The following ZNF429 variants were observed in gnomAD, a reference collection of about 807,000 sequenced individuals.
ZNF429 encodes zinc finger protein 429.
A neutral mutation model predicts 56.8 loss-of-function variants in ZNF429; 53 were observed. The observed-to-expected ratio is 0.93, with a 90% CI of 0.75 to 1.17. The LOEUF (loss-of-function observed/expected upper bound fraction) is 1.17, where lower values mean the gene tolerates loss of function less well. Ranked by LOEUF, ZNF429 falls within the 50% of genes most tolerant of loss-of-function variation. ZNF429 has a pLI of 0.00. For missense variants in ZNF429, 849 were observed against 788.4 expected, an observed-to-expected ratio of 1.08 and a Z score of -0.92; for synonymous variants, 278 against 264.7, an observed-to-expected ratio of 1.05 and a Z score of -0.49.
Position 21,537,228 on chromosome 19 carries a change from C to CT in ZNF429, c.1176dup (p.Gly393TrpfsTer8). On this transcript the variant is annotated frameshift_variant, in exon 4 of 4. Transcript: ENST00000358491. LOFTEE classifies it high-confidence loss of function. ...CTTACTCGACATAAAAAAATTCATA[C>CT]TGGAGAGGAACCCTACAAATTTGAA... is the stretch of plus-strand genomic sequence containing the variant. The CT allele has an allele frequency of 6.2e-7, 1 of 1,613,520 alleles. No homozygotes were observed. The highest frequency in any genetic ancestry group is 8.5e-7 in the Non-Finnish European group (1 of 1,179,860).
intron 1 of ZNF429, chr19:21,506,061 A>T (rs1460426106): frequency 4.2e-6 from 1 of 239,152 alleles, no homozygotes. Flanking sequence ...ATTGTGCAAG[A>T]ACCATGGGAG....
chr19:21,523,956 A>C (rs563294469), intron 1 of ZNF429, among the ~76,000 whole-genome samples: 1 of 152,324 alleles, frequency 6.6e-6, no homozygotes, highest in African/African-American at 2.4e-5. Context: ...CTTGGGATTT[A>C]CAAGACAAGG....
rs758342944 is a variant in ZNF429, at chr19:21,529,738, A to G, written c.84A>G (p.Leu28=). The change falls in exon 2 of 4, where the codon TTA becomes TTG. Residue 28 remains leucine, a synonymous_variant. Coordinates refer to ENST00000358491, the MANE Select transcript of ZNF429 (RefSeq NM_001001415.4). ...WQCLDTAQQN[L]YRNVMLENYR... is the part of the protein sequence containing the mutation. ...GCCTGGACACAGCACAACAGAACTT[A>G]TATAGAAATGTGATGTTAGAGAACT... 1.2e-6 allele frequency: 2 copies of G among 1,600,012 alleles called. No homozygotes were observed. The highest frequency in any genetic ancestry group is 1.7e-6 in the Non-Finnish European group (2 of 1,173,088).
intron 1 of ZNF429, among the ~76,000 whole-genome samples, chr19:21,509,191 G>T (rs550178833): frequency 1.3e-5 from 2 of 152,192 alleles, no homozygotes; most frequent in East Asian, 3.9e-4. Context: ...TATTTTAGTA[G>T]AGACAGGGTT....
Position 21,537,512 on chromosome 19 carries a change from G to A in ZNF429, c.1459G>A (p.Gly487Ser), listed in dbSNP as rs765738759. 77 of 1,613,624 alleles carry A rather than the reference G, an allele frequency of 4.8e-5. No individual in the cohort carries two copies. The highest frequency in any genetic ancestry group is 8.5e-7 in the Non-Finnish European group (1 of 1,179,994). Residue 487 changes from glycine to serine, a missense_variant, in exon 4 of 4, where the codon GGC becomes AGC. By Grantham distance (56) the Gly-to-Ser change is moderately conservative (BLOSUM62 0). Coordinates refer to ENST00000358491, the MANE Select transcript of ZNF429 (RefSeq NM_001001415.4). Reference protein sequence around the residue: ...GEKPYKCEECGKAFKQSSNLN... With the variant: ...GEKPYKCEECSKAFKQSSNLN... ...GAAACCCTACAAATGTGAAGAATGTGGCAAAGCCTTTAAGCAGTCCTCAAA... is the reference window on the plus strand; with the variant it reads ...GAAACCCTACAAATGTGAAGAATGTAGCAAAGCCTTTAAGCAGTCCTCAAA...
At chr19:21,535,380 T>TCTTTCTTTCTTTCTTTTTCTTTTC in intron 3 of ZNF429, among the ~76,000 whole-genome samples, 1 of 50,060 alleles carries the variant, frequency 2.0e-5, no homozygotes, top group Admixed American at 1.7e-4. Flanking sequence ...TTTCTTTCTT[T>TCTTTCTTTCTTTCTTTTTCTTTTC]TTTACTTTCT....
chr19:21,507,905 G>C (rs555138253), intron 1 of ZNF429, among the ~76,000 whole-genome samples: 4 of 152,258 alleles, frequency 2.6e-5, no homozygotes, highest in African/African-American at 7.2e-5. Flanking sequence ...TGCTGGTATT[G>C]AGTTGAAAAC....
intron 1 of ZNF429, among the ~76,000 whole-genome samples, chr19:21,519,402 CTAGGCACCA>C (rs1301720497): frequency 1.3e-5 from 2 of 152,168 alleles, no homozygotes; most frequent in African/African-American, 4.8e-5. Context: ...TTGCAGCCAC[CTAGGCACCA>C]TAGTGAAGGT....
At chr19:21,514,790 G>T (rs912322356) in intron 1 of ZNF429, among the ~76,000 whole-genome samples, 1 of 151,462 alleles carries the variant, frequency 6.6e-6, no homozygotes, top group Non-Finnish European at 1.5e-5. Context: ...GTAGAGACGG[G>T]GTTTTGCCAT....
intron 1 of ZNF429, among the ~76,000 whole-genome samples, chr19:21,512,364 T>C (rs2032526676): frequency 6.6e-6 from 1 of 152,022 alleles, no homozygotes; most frequent in African/African-American, 2.4e-5. Context: ...AACCTCTTAT[T>C]ATGCGACTTA....
chr19:21,535,425 TTTCTTTCTTTCTTTC>T lies in ZNF429; in HGVS notation c.227-852_227-838del. Among the ~76,000 whole-genome samples, 13 of 6,200 alleles carry T rather than the reference TTTCTTTCTTTCTTTC, an allele frequency of 2.1e-3. 1 individual carries two copies. Among genetic ancestry groups the T allele is most frequent in the African/African-American group, 4.0e-3 (5 of 1,254 alleles). 4.1% of individuals were successfully genotyped at this position (6,200 alleles called of 152,430 possible). A position where few individuals can be genotyped will look rare whatever the true frequency, so the allele number is the denominator to read the frequency against. On this transcript the variant is annotated intron_variant, in intron 3 of 3. Transcript: ENST00000358491. ...TCTTTCTTTTTCTTTTCTTTCTTTCTTTCTTTCTTTCTTTCTTTCTTTCTTTCTTTCTTTCTTTCT... is the reference window on the plus strand; with the variant it reads ...TCTTTCTTTTTCTTTTCTTTCTTTCTTTTCTTTCTTTCTTTCTTTCTTTCT...
chr19:21,535,524 T>TC, intron 3 of ZNF429, among the ~76,000 whole-genome samples: 1 of 146,744 alleles, frequency 6.8e-6, no homozygotes, highest in South Asian at 2.2e-4. Flanking sequence ...TCCTTCTTTT[T>TC]CTTTTTTTGA....
At chr19:21,517,774 G>A (rs1279710573) in intron 1 of ZNF429, among the ~76,000 whole-genome samples, 2 of 150,388 alleles carry the variant, frequency 1.3e-5, no homozygotes, top group Non-Finnish European at 3.0e-5. Context: ...GGGGTCAGTA[G>A]TAATGACCCT....
chr19:21,531,234 C>T, intron 3 of ZNF429, among the ~76,000 whole-genome samples: 3 of 151,346 alleles, frequency 2.0e-5, no homozygotes, highest in African/African-American at 7.3e-5. Context: ...ACTACCAAAA[C>T]CCCTTGTAAC....
At chr19:21,535,452 CTTTCTTTCTTTCTTT>C in intron 3 of ZNF429, among the ~76,000 whole-genome samples, 1 of 53,808 alleles carries the variant, frequency 1.9e-5, no homozygotes, top group Non-Finnish European at 3.7e-5. Context: ...TTCTTTCTTT[CTTTCTTTCTTTCTTT>C]CTTTCTTTCT....
chr19:21,505,795 A>AT, intron 1 of ZNF429, 21 bp downstream of exon 1: 1 of 1,611,384 alleles, frequency 6.2e-7, no homozygotes, highest in Non-Finnish European at 8.5e-7. Flanking sequence ...CGAGTCTGAC[A>AT]TCCCCAGAGA....
At chr19:21,518,074 ATTTCTTATTGTG>A (rs1418215318) in intron 1 of ZNF429, among the ~76,000 whole-genome samples, 2 of 152,054 alleles carry the variant, frequency 1.3e-5, no homozygotes, top group Non-Finnish European at 2.9e-5. Context: ...AGGCATTGTC[ATTTCTTATTGTG>A]TTTATTTGAA....
intron 1 of ZNF429, among the ~76,000 whole-genome samples, chr19:21,523,303 T>A (rs2033048243): frequency 6.6e-6 from 1 of 152,234 alleles, no homozygotes; most frequent in African/African-American, 2.4e-5. Context: ...ATCTGAGGAA[T>A]GCAAATCCTC....
chr19:21,508,069 A>G (rs1215615765), intron 1 of ZNF429, among the ~76,000 whole-genome samples: 1 of 152,136 alleles, frequency 6.6e-6, no homozygotes, highest in Admixed American at 6.5e-5. Context: ...CCTAGCTAAC[A>G]TGATGAAATT....
Sources: allele counts gnomAD v4.1 joint callset (sites outside exome capture counted in the v4.1 genomes callset), GRCh38; gene constraint gnomAD v4.1.1; transcripts MANE v1.5; gene names NCBI Gene and HGNC (gene_info 2026-07-23, HGNC 2026-07-21).